Variants in EIF4G3 observed in about 807,000 individuals in gnomAD.
EIF4G3 encodes eukaryotic translation initiation factor 4 gamma 3.
Under a neutral mutation model 186.4 loss-of-function variants are expected in EIF4G3, and 34 were observed. The observed-to-expected ratio is 0.18, with a 90% CI of 0.14 to 0.24. EIF4G3 has a LOEUF of 0.24. EIF4G3 is among the 10% of genes least tolerant of loss of function. EIF4G3 has a pLI of 1.00. For missense variants in EIF4G3, 1,536 were observed against 1,948.5 expected (o/e 0.79, Z 3.99); for synonymous variants, 673 against 679.5 (o/e 0.99, Z 0.15).
At chr1:21,172,544 C>CTATTTATT (rs551971870) in intron 2 of EIF4G3, among the ~76,000 whole-genome samples, 1 of 151,924 alleles carries the variant, frequency 6.6e-6, no homozygotes, top group Non-Finnish European at 1.5e-5. Context: ...TGTGGCAATC[C>CTATTTATT]TATTTATTTA....
At chr1:21,107,141 T>A (rs1413944146) in intron 2 of EIF4G3, among the ~76,000 whole-genome samples, 25 of 152,308 alleles carry the variant, frequency 1.6e-4, no homozygotes, top group Admixed American at 1.6e-3. Context: ...AATGTTACTA[T>A]CATAGTGGTT....
At chr1:20,835,012 A>T (rs534689566) in intron 30 of EIF4G3, among the ~76,000 whole-genome samples, 1 of 152,252 alleles carries the variant, frequency 6.6e-6, no homozygotes, top group African/African-American at 2.4e-5. Flanking sequence ...GAGGACTGAA[A>T]TCATATCAAG....
intron 3 of EIF4G3, among the ~76,000 whole-genome samples, chr1:21,065,175 C>T (rs4433362): frequency 0.027 from 4,174 of 152,096 alleles, 88 homozygotes; most frequent in Non-Finnish European, 0.038. Context: ...CAACTATAAG[C>T]ATAAATTCAA....
rs116658287 is a variant in EIF4G3 at position 20,821,763 on chromosome 1, T to C, written c.4368+3337A>G. Among the ~76,000 whole-genome samples the C allele has an allele frequency of 3.0e-3, 460 of 151,278 alleles. 1 individual carries two copies. The highest frequency in any genetic ancestry group is 0.01 in the African/African-American group (431 of 41,394). ...CACCATCTTCCCTATTATGTATACTTCTCTATTATGTATACTTCTCTATTA... is the reference window on the plus strand; with the variant it reads ...CACCATCTTCCCTATTATGTATACTCCTCTATTATGTATACTTCTCTATTA... On this transcript the variant is annotated intron_variant, in intron 33 of 36. Coordinates refer to ENST00000602326, the MANE Select transcript of EIF4G3 (RefSeq NM_001391906.1).
At chr1:20,871,500 C>T (rs1051588272) in intron 20 of EIF4G3, among the ~76,000 whole-genome samples, 6 of 152,150 alleles carry the variant, frequency 3.9e-5, no homozygotes, top group Non-Finnish European at 8.8e-5. Context: ...GATACTAGTT[C>T]AATTTTTTAT....
At chr1:20,990,637 C>G (rs2080874726) in intron 7 of EIF4G3, among the ~76,000 whole-genome samples, 2 of 152,108 alleles carry the variant, frequency 1.3e-5, no homozygotes, top group African/African-American at 4.8e-5. Flanking sequence ...CCACTGTACT[C>G]CAGCCTGGGC....
intron 2 of EIF4G3, among the ~76,000 whole-genome samples, chr1:21,110,219 T>A (rs1259859266): frequency 1.3e-5 from 2 of 152,178 alleles, no homozygotes; most frequent in Non-Finnish European, 2.9e-5. Context: ...CATATTCAAA[T>A]CTAACCAACA....
chr1:21,162,464 A>G (rs1392664238), intron 2 of EIF4G3, among the ~76,000 whole-genome samples: 3 of 150,064 alleles, frequency 2.0e-5, no homozygotes, highest in Admixed American at 6.7e-5. Context: ...AAAAAAAAAA[A>G]GGTGGGACAC....
At chr1:20,827,291 C>A (rs777669041) in intron 32 of EIF4G3, among the ~76,000 whole-genome samples, 2 of 152,214 alleles carry the variant, frequency 1.3e-5, no homozygotes, top group Non-Finnish European at 2.9e-5. Flanking sequence ...CAGCCTCCAG[C>A]TCTATGGAGC....
At chr1:20,978,278 A>G (rs2077249202) in intron 10 of EIF4G3, among the ~76,000 whole-genome samples, 1 of 152,250 alleles carries the variant, frequency 6.6e-6, no homozygotes, top group South Asian at 2.1e-4. Context: ...GCTGTCAAAA[A>G]TTGGGTGATA....
chr1:21,152,712 T>G (rs1040732104), intron 2 of EIF4G3, among the ~76,000 whole-genome samples: 1 of 152,220 alleles, frequency 6.6e-6, no homozygotes, highest in South Asian at 2.1e-4. Context: ...ATAAAATATA[T>G]CAACATTTGG....
chr1:20,902,199 G>T (rs1032995140), intron 15 of EIF4G3, among the ~76,000 whole-genome samples: 1 of 151,946 alleles, frequency 6.6e-6, no homozygotes, highest in Non-Finnish European at 1.5e-5. Context: ...GAGTAGCTGG[G>T]ATTACAGGCG....
intron 3 of EIF4G3, among the ~76,000 whole-genome samples, chr1:21,058,999 T>C (rs146938124): frequency 1.3e-5 from 2 of 152,078 alleles, no homozygotes; most frequent in East Asian, 3.9e-4. Context: ...TTTTATATAA[T>C]ATGAATGAAA....
intron 18 of EIF4G3, among the ~76,000 whole-genome samples, chr1:20,889,032 A>T (rs928027827): frequency 2.6e-5 from 4 of 152,204 alleles, no homozygotes; most frequent in Non-Finnish European, 4.4e-5. Context: ...CAATGTCAAA[A>T]CTAAAAATCT....
At chr1:20,886,989 T>C (rs1016803672) in intron 18 of EIF4G3, among the ~76,000 whole-genome samples, 3 of 152,330 alleles carry the variant, frequency 2.0e-5, no homozygotes, top group Middle Eastern at 3.4e-3. Context: ...TATGTTGCCA[T>C]GTTATACTGC....
intron 2 of EIF4G3, among the ~76,000 whole-genome samples, chr1:21,157,314 A>C (rs1272747259): frequency 1.3e-5 from 2 of 151,758 alleles, no homozygotes; most frequent in Non-Finnish European, 2.9e-5. Flanking sequence ...CTGACTTTCA[A>C]GGTTCTGATC....
At chr1:21,017,555 G>A (rs1363342241) in intron 4 of EIF4G3, among the ~76,000 whole-genome samples, 2 of 149,522 alleles carry the variant, frequency 1.3e-5, no homozygotes, top group Non-Finnish European at 3.0e-5. Flanking sequence ...GTGAACCCAG[G>A]AGGTGGAGCT....
chr1:21,161,777 A>C (rs963077593), intron 2 of EIF4G3: 2 of 151,678 alleles, frequency 1.3e-5, no homozygotes, highest in African/African-American at 4.8e-5. Flanking sequence ...AGACCAGCCT[A>C]ATCAACATGG....
intron 12 of EIF4G3, among the ~76,000 whole-genome samples, chr1:20,951,752 AG>A (rs3835564): frequency 7.9e-4 from 119 of 150,894 alleles, no homozygotes; most frequent in African/African-American, 2.5e-3. Context: ...CCAAATAAAA[AG>A]GGGGGGGCAG....
Sources: allele counts gnomAD v4.1 joint callset (sites outside exome capture counted in the v4.1 genomes callset), GRCh38; gene constraint gnomAD v4.1.1; transcripts MANE v1.5; gene names NCBI Gene and HGNC (gene_info 2026-07-23, HGNC 2026-07-21).